RILPL2: variants seen among roughly 807,000 people sequenced by gnomAD.
RILPL2 encodes the protein Rab interacting lysosomal protein like 2.
In RILPL2, 19 loss-of-function variants were observed where a neutral mutation model predicts 22.2. The observed-to-expected ratio is 0.86, with a 90% CI of 0.60 to 1.25. The LOEUF (loss-of-function observed/expected upper bound fraction) is 1.25. RILPL2 is among the 50% of genes most tolerant of loss of function. The pLI, the probability that RILPL2 is intolerant of heterozygous loss-of-function variation, is 0.00. For synonymous variants in RILPL2, 123 were observed against 111.6 expected, an observed-to-expected ratio of 1.10 and a Z score of -0.64; for missense variants, 243 against 263.6, an observed-to-expected ratio of 0.92 and a Z score of 0.54.
intron 2 of RILPL2, among the ~76,000 whole-genome samples, chr12:123,427,951 T>A (rs1879489661): frequency 6.6e-6 from 1 of 152,192 alleles, no homozygotes; most frequent in South Asian, 2.1e-4. Context: ...CCACAATATA[T>A]AACACTAGAG....
At chr12:123,425,168 C>T (rs1425300030) in intron 2 of RILPL2, among the ~76,000 whole-genome samples, 1 of 151,830 alleles carries the variant, frequency 6.6e-6, no homozygotes, top group East Asian at 1.9e-4. Flanking sequence ...AGCCACTGCG[C>T]CCGGCCTTAT....
chr12:123,418,001 T>C (rs996349090), intron 3 of RILPL2, among the ~76,000 whole-genome samples: 1 of 152,230 alleles, frequency 6.6e-6, no homozygotes, highest in African/African-American at 2.4e-5. Flanking sequence ...TGGAGTGTAG[T>C]GGTGTGACCA....
chr12:123,414,766 T>TA, downstream of RILPL2: 1 of 152,106 alleles, frequency 6.6e-6, no homozygotes, highest in Non-Finnish European at 1.5e-5. Context: ...CTGTCTCTAC[T>TA]AAAAATACAA....
intron 2 of RILPL2, among the ~76,000 whole-genome samples, chr12:123,427,278 G>C (rs1879468172): frequency 6.6e-6 from 1 of 152,048 alleles, no homozygotes; most frequent in African/African-American, 2.4e-5. Flanking sequence ...CTTCCTCACA[G>C]AATGCTGGTC....
chr12:123,419,173 G>A (rs1323793223), intron 3 of RILPL2, among the ~76,000 whole-genome samples: 1 of 150,942 alleles, frequency 6.6e-6, no homozygotes, highest in Admixed American at 6.6e-5. Context: ...ACCATGCCCG[G>A]CTAATTTTTT....
Position 123,436,556 on chromosome 12 carries a change from G to A in RILPL2, c.-136C>T. 2 of 1,379,936 alleles carry A rather than the reference G, an allele frequency of 1.4e-6. No homozygotes were observed. Among genetic ancestry groups the A allele is most frequent in the Non-Finnish European group, 1.9e-6 (2 of 1,044,996 alleles). The allele number at this position is 1,379,936 out of a possible 1,614,324, so 85.5% of individuals were successfully genotyped here. ...ATCAGCGCGGCCCGGGGGTGGGCCC[G>A]GGGGGATGGTGCAAGGGGCCGCGCA... is the stretch of plus-strand genomic sequence containing the variant. On this transcript the variant is annotated 5_prime_UTR_variant, in exon 1 of 4. Coordinates refer to ENST00000280571, the MANE Select transcript of RILPL2 (RefSeq NM_145058.3). The surrounding 1 kb of genome is among the most constrained non-coding windows in gnomAD (Gnocchi z 6.7).
At chr12:123,429,619 T>C (rs1156896235) in intron 2 of RILPL2, among the ~76,000 whole-genome samples, 2 of 151,122 alleles carry the variant, frequency 1.3e-5, no homozygotes, top group African/African-American at 4.9e-5. Flanking sequence ...GTTTCGTTTT[T>C]TTTTTGAGAC....
rs367706170 is a variant in RILPL2 at position 123,436,496 on chromosome 12, A to C, written c.-76T>G. 8.0e-6 allele frequency: 12 copies of C among 1,492,838 alleles called. No individual in the cohort carries two copies. The East Asian group carries it at 1.5e-4, about 18-fold the overall frequency. 92.5% of individuals were successfully genotyped at this position (1,492,838 alleles called of 1,614,324 possible). A position where few individuals can be genotyped will look rare whatever the true frequency, so the allele number is the denominator to read the frequency against. On this transcript the variant is annotated 5_prime_UTR_variant, in exon 1 of 4. Transcript: ENST00000280571. This position sits in a 1 kb window ranked among gnomAD's most constrained non-coding sequence, Gnocchi z 6.7. ...AAGGTTAGACTTCCTCCCGGCACCC[A>C]AAACTTTCCGCTGGGCAGAGTCCCT...
At chr12:123,421,043 CTTTT>C (rs543923372) in intron 3 of RILPL2, among the ~76,000 whole-genome samples, 5 of 139,798 alleles carry the variant, frequency 3.6e-5, no homozygotes, top group Non-Finnish European at 4.7e-5. Flanking sequence ...TATGTTAAAT[CTTTT>C]TTTTTTTTTT....
chr12:123,411,633 C>T (rs1878979875), downstream of RILPL2: 1 of 141,950 alleles, frequency 7.0e-6, no homozygotes, highest in African/African-American at 2.7e-5. Flanking sequence ...ACTCAGCTCA[C>T]TGCAACCTCT....
Position 123,436,514 on chromosome 12 carries a change from G to A in RILPL2, c.-94C>T. Reference sequence around the variant, plus strand: ...GGCACCCAAAACTTTCCGCTGGGCAGAGTCCCTACCTGCCCAATCAGCGCG... The same window carrying A: ...GGCACCCAAAACTTTCCGCTGGGCAAAGTCCCTACCTGCCCAATCAGCGCG... On this transcript the variant is annotated 5_prime_UTR_variant, in exon 1 of 4. Coordinates refer to ENST00000280571, the MANE Select transcript of RILPL2 (RefSeq NM_145058.3). This position sits in a 1 kb window ranked among gnomAD's most constrained non-coding sequence, Gnocchi z 6.7. 1 of 1,483,340 alleles carries A rather than the reference G, an allele frequency of 6.7e-7. No homozygotes were observed. Among genetic ancestry groups the A allele is most frequent in the Non-Finnish European group, 8.9e-7 (1 of 1,118,334 alleles). 91.9% of individuals were successfully genotyped at this position (1,483,340 alleles called of 1,614,324 possible).
chr12:123,430,409 A>T (rs1425555222), intron 2 of RILPL2, 99 bp downstream of exon 2: 1 of 1,301,522 alleles, frequency 7.7e-7, no homozygotes, highest in Non-Finnish European at 1.0e-6. Context: ...ACTCTGTCTC[A>T]AAAAAACAAA....
At chr12:123,433,866 G>A (rs1025918756) in intron 1 of RILPL2, among the ~76,000 whole-genome samples, 4 of 152,178 alleles carry the variant, frequency 2.6e-5, no homozygotes, top group African/African-American at 4.8e-5. Context: ...GTTAGTACAA[G>A]TAAGGTCAAA....
At chr12:123,409,754 T>A in the RILPL2 span, among the ~76,000 whole-genome samples, 1 of 121,908 alleles carries the variant, frequency 8.2e-6, no homozygotes, top group Admixed American at 9.3e-5. Flanking sequence ...TGAGATGGAA[T>A]TTCACTCTGT....
At chr12:123,431,035 A>G (rs146126877) in intron 1 of RILPL2, among the ~76,000 whole-genome samples, 6,536 of 152,100 alleles carry the variant, frequency 0.043, 479 homozygotes, top group African/African-American at 0.14. Flanking sequence ...GTAGAGATGG[A>G]GTTTCGCCAT....
intron 3 of RILPL2, among the ~76,000 whole-genome samples, chr12:123,421,548 CTTTG>C (rs1362756828): frequency 6.6e-6 from 1 of 152,046 alleles, no homozygotes; most frequent in African/African-American, 2.4e-5. Flanking sequence ...CTGCCTCTTC[CTTTG>C]GTTTTTTCCT....
At chr12:123,432,132 T>G (rs1593495683) in intron 1 of RILPL2, among the ~76,000 whole-genome samples, 1 of 151,860 alleles carries the variant, frequency 6.6e-6, no homozygotes, top group Non-Finnish European at 1.5e-5. Context: ...TGACCTCAGG[T>G]GACCTGCGCC....
At chr12:123,413,553 T>G (rs984081652), downstream of RILPL2, 1 of 152,370 alleles carries the variant, frequency 6.6e-6, no homozygotes, top group Non-Finnish European at 1.5e-5. Context: ...GGGGTGAGTA[T>G]TACAGCTCAT....
chr12:123,420,656 C>T (rs1396405045), intron 3 of RILPL2, among the ~76,000 whole-genome samples: 1 of 151,802 alleles, frequency 6.6e-6, no homozygotes, highest in Non-Finnish European at 1.5e-5. Flanking sequence ...AGGCTGGTCT[C>T]GAACTCCTGA....
Sources: allele counts gnomAD v4.1 joint callset (sites outside exome capture counted in the v4.1 genomes callset), GRCh38; gene constraint gnomAD v4.1.1; non-coding constraint Gnocchi (gnomAD v3.1); transcripts MANE v1.5; gene names NCBI Gene and HGNC (gene_info 2026-07-23, HGNC 2026-07-21).